BCLAF3: variants seen among roughly 807,000 people sequenced by gnomAD.
BCLAF3 encodes the protein BCLAF1 and THRAP3 family member 3, also known as transient octamer binding factor 1.
A neutral mutation model predicts 51.2 loss-of-function variants in BCLAF3; 24 were observed. That is an observed-to-expected ratio of 0.47 (90% CI 0.34 to 0.66). The LOEUF (loss-of-function observed/expected upper bound fraction) is 0.66. Ranked by LOEUF, BCLAF3 falls within the 30% of genes least tolerant of loss-of-function variation. The pLI, the probability that BCLAF3 is intolerant of heterozygous loss-of-function variation, is 0.01. For missense variants in BCLAF3, 465 were observed against 525.1 expected (o/e 0.89, Z 1.12); for synonymous variants, 152 against 176.6 (o/e 0.86, Z 1.10).
chrX:19,932,525 A>ATTTTT (rs58949658), intron 10 of BCLAF3, among the ~76,000 whole-genome samples: 48 of 77,402 alleles, frequency 6.2e-4, no homozygotes, highest in Non-Finnish European at 9.1e-4. Flanking sequence ...ACAAGTCAAG[A>ATTTTT]TTTTTTTTTT....
chrX:19,943,985 T>G (rs1207048234), intron 8 of BCLAF3, among the ~76,000 whole-genome samples: 2 of 81,457 alleles, frequency 2.5e-5, no homozygotes, highest in Admixed American at 3.0e-4. Context: ...ATATTTAGGA[T>G]AGTTAGCGCC....
intron 4 of BCLAF3, among the ~76,000 whole-genome samples, chrX:19,961,749 C>T (rs1023250682): frequency 4.5e-5 from 5 of 112,265 alleles, no homozygotes; most frequent in African/African-American, 1.3e-4. Context: ...TTGACTATGA[C>T]GCTTTATCAT....
chrX:19,959,329 G>A (rs754621004), intron 4 of BCLAF3, among the ~76,000 whole-genome samples: 2 of 111,323 alleles, frequency 1.8e-5, no homozygotes, highest in South Asian at 7.6e-4. Context: ...GAACCTAATC[G>A]TATGCAGCTC....
In BCLAF3 at chrX:19,960,164, T is replaced by G. The variant is rs894610472; in HGVS notation, c.1275-4598A>C. 4.5e-5 allele frequency among the ~76,000 whole-genome samples: 5 copies of G among 111,780 alleles called. No individual in the cohort carries two copies. In the Admixed American group the frequency reaches 4.7e-4, roughly 11 times the overall value. Reference sequence around the variant, plus strand: ...TTTCTTGGCTTTTATTTTTATTTTTTGCTTAACTTAGACCAATTTGAATTT... The same window carrying G: ...TTTCTTGGCTTTTATTTTTATTTTTGGCTTAACTTAGACCAATTTGAATTT... On this transcript the variant is annotated intron_variant, in intron 4 of 11. Coordinates refer to ENST00000379682, the MANE Select transcript of BCLAF3 (RefSeq NM_001367774.2).
intron 1 of BCLAF3, among the ~76,000 whole-genome samples, chrX:19,990,054 A>C (rs2148084763): frequency 9.1e-6 from 1 of 109,517 alleles, no homozygotes; most frequent in East Asian, 2.8e-4. Flanking sequence ...GGACCTGTTC[A>C]CATTCAGAAA....
rs377028756 is a variant in BCLAF3, at chrX:19,965,450, C to T, written c.868G>A (p.Asp290Asn). 66 of 1,210,195 alleles carry T rather than the reference C, an allele frequency of 5.5e-5. No homozygotes were observed. The highest frequency in any genetic ancestry group is 6.7e-6 in the Non-Finnish European group (6 of 895,325). ...CCATCAGAAAAGTCCTGGTCCCCATCCAAGAGCTTAGGACGTTTGTGACGA... is the reference window on the plus strand; with the variant it reads ...CCATCAGAAAAGTCCTGGTCCCCATTCAAGAGCTTAGGACGTTTGTGACGA... ...DYRHKRPKLL[D>N]GDQDFSDGRT... Residue 290 changes from aspartate to asparagine, a missense_variant, in exon 4 of 12, where the codon GAT becomes AAT. Asp to Asn is a conservative substitution (Grantham distance 23, BLOSUM62 1). Transcript: ENST00000379682.
In BCLAF3 at chrX:19,913,562, C is replaced by A. The variant is rs1046246044; in HGVS notation, c.*3743G>T. Reference sequence around the variant, plus strand: ...GGAGGACTTGTTAAATCACAGATTGCTTGGCCCCACCCCCAGGGTTTCTGA... The same window carrying A: ...GGAGGACTTGTTAAATCACAGATTGATTGGCCCCACCCCCAGGGTTTCTGA... On this transcript the variant is annotated 3_prime_UTR_variant, in exon 12 of 12. Transcript: ENST00000379682. 1 of 112,096 alleles carries A rather than the reference C, an allele frequency of 8.9e-6. No homozygotes were observed. The highest frequency in any genetic ancestry group is 1.9e-5 in the Non-Finnish European group (1 of 53,177). 9.2% of individuals were successfully genotyped at this position (112,096 alleles called of 1,213,427 possible). A position where few individuals can be genotyped will look rare whatever the true frequency, so the allele number is the denominator to read the frequency against.
rs1224289625 is a variant in BCLAF3 at position 19,965,478 on chromosome X, G to A, written c.840C>T (p.Asp280=). Residue 280 remains aspartate (D), a synonymous_variant, in exon 4 of 12, where the codon GAC becomes GAT. Transcript: ENST00000379682. Reference sequence around the variant, plus strand: ...AGAGCTTAGGACGTTTGTGACGATAGTCATAGGATACTTTGGTTGCTGAAC... The same window carrying A: ...AGAGCTTAGGACGTTTGTGACGATAATCATAGGATACTTTGGTTGCTGAAC... The part of the protein sequence containing the change: ...ETSSATKVSY[D]YRHKRPKLLD... 1 of 1,209,517 alleles carries A rather than the reference G, an allele frequency of 8.3e-7. No homozygotes were observed. Among genetic ancestry groups the A allele is most frequent in the Non-Finnish European group, 1.1e-6 (1 of 895,145 alleles).
chrX:19,975,849 A>G (rs139875356), intron 1 of BCLAF3, among the ~76,000 whole-genome samples: 1 of 111,260 alleles, frequency 9.0e-6, no homozygotes, highest in Non-Finnish European at 1.9e-5. Flanking sequence ...ATTCCAGAAT[A>G]CTACACTTTC....
intron 8 of BCLAF3, among the ~76,000 whole-genome samples, chrX:19,940,770 C>A (rs1179822468): frequency 6.3e-5 from 7 of 110,526 alleles, no homozygotes; most frequent in Non-Finnish European, 1.3e-4. Flanking sequence ...ATTTATAGTC[C>A]TTTGGGTATA....
intron 8 of BCLAF3, among the ~76,000 whole-genome samples, chrX:19,948,248 C>T (rs929467772): frequency 8.0e-5 from 9 of 112,091 alleles, no homozygotes; most frequent in African/African-American, 2.9e-4. Flanking sequence ...AACTTGCACA[C>T]AAATGTTCAC....
chrX:19,953,069 T>C lies in BCLAF3; in HGVS notation c.1566-18A>G. ...CTATTCTCCTAAAATAATAAAGGCA[T>C]AGTACAACTAAATAATTATGTTATA... is the stretch of plus-strand genomic sequence containing the variant. On this transcript the variant is annotated intron_variant, in intron 6 of 11. Transcript: ENST00000379682. 1 of 1,124,969 alleles carries C rather than the reference T, an allele frequency of 8.9e-7. No individual in the cohort carries two copies. The highest frequency in any genetic ancestry group is 1.2e-6 in the Non-Finnish European group (1 of 822,374). 92.7% of individuals were successfully genotyped at this position (1,124,969 alleles called of 1,213,427 possible).
intron 11 of BCLAF3, among the ~76,000 whole-genome samples, chrX:19,925,889 C>G (rs982245765): frequency 9.0e-6 from 1 of 111,662 alleles, no homozygotes; most frequent in African/African-American, 3.3e-5. Context: ...TACTTCAGAC[C>G]CTGGCACAAA....
chrX:19,982,584 C>T (rs757911183), intron 1 of BCLAF3, among the ~76,000 whole-genome samples: 29 of 107,428 alleles, frequency 2.7e-4, no homozygotes, highest in Non-Finnish European at 4.8e-4. Flanking sequence ...CACACACACA[C>T]GCACACACAC....
chrX:19,946,874 TAA>T (rs1024397291), intron 8 of BCLAF3, among the ~76,000 whole-genome samples: 1 of 112,379 alleles, frequency 8.9e-6, no homozygotes, highest in Non-Finnish European at 1.9e-5. Flanking sequence ...TTAAAAGTCA[TAA>T]GTGTACTCCA....
At position 19,937,405 on chromosome X, in the gene BCLAF3, A is replaced by G. The variant is rs753481326; in HGVS notation, c.1860+13T>C. ...AAATTATAAAAATGCAAATTTTGGA[A>G]CTGCAATCTTACCATGTAAGGTTTT... On this transcript the variant is annotated intron_variant, in intron 9 of 11. Transcript: ENST00000379682. The G allele has an allele frequency of 5.2e-6, 5 of 956,597 alleles. No individual in the cohort carries two copies. The highest frequency in any genetic ancestry group is 1.5e-6 in the Non-Finnish European group (1 of 669,887). 78.8% of individuals were successfully genotyped at this position (956,597 alleles called of 1,213,427 possible).
intron 10 of BCLAF3, among the ~76,000 whole-genome samples, chrX:19,931,158 G>C (rs937519853): frequency 7.1e-5 from 8 of 112,372 alleles, no homozygotes; most frequent in African/African-American, 2.3e-4. Context: ...ACGAATATTT[G>C]TGTGTTTCCC....
chrX:19,970,142 G>T, intron 2 of BCLAF3, 82 bp downstream of exon 2: 1 of 809,520 alleles, frequency 1.2e-6, no homozygotes, highest in Non-Finnish European at 1.9e-6. Context: ...GGTCCCATGA[G>T]CTTAAGTGTT....
intron 4 of BCLAF3, among the ~76,000 whole-genome samples, chrX:19,962,889 A>C (rs938770870): frequency 9.0e-6 from 1 of 110,547 alleles, no homozygotes; most frequent in African/African-American, 3.3e-5. Context: ...GTTTGAGACC[A>C]GCCTGGGCAA....
Sources: allele counts gnomAD v4.1 joint callset (sites outside exome capture counted in the v4.1 genomes callset), GRCh38; gene constraint gnomAD v4.1.1; transcripts MANE v1.5; gene names NCBI Gene and HGNC (gene_info 2026-07-23, HGNC 2026-07-21).